PCSK2: variants seen among roughly 807,000 people sequenced by gnomAD.
PCSK2 encodes the protein neuroendocrine convertase 2.
In PCSK2, 14 loss-of-function variants were observed where a neutral mutation model predicts 69.7. That is an observed-to-expected ratio of 0.20 (90% confidence interval 0.13 to 0.31). PCSK2 has a LOEUF of 0.31. PCSK2 is among the 10% of genes least tolerant of loss of function. The pLI is 1.00. For synonymous variants in PCSK2, 307 were observed against 320.7 expected, an observed-to-expected ratio of 0.96 and a Z score of 0.46; for missense variants, 544 against 842.5, an observed-to-expected ratio of 0.65 and a Z score of 4.39.
chr20:17,251,884 TTC>T (rs1986995746), intron 1 of PCSK2, among the ~76,000 whole-genome samples: 1 of 152,140 alleles, frequency 6.6e-6, no homozygotes, highest in African/African-American at 2.4e-5. Context: ...ATGTGAAAGC[TTC>T]TTAATATGTG....
intron 2 of PCSK2, among the ~76,000 whole-genome samples, chr20:17,349,488 A>C (rs2029906802): frequency 6.6e-6 from 1 of 152,164 alleles, no homozygotes; most frequent in Admixed American, 6.5e-5. Context: ...CTGTGAGCAC[A>C]CCCCAGAAAT....
chr20:17,277,488 A>T lies in PCSK2; in HGVS notation c.282+17144A>T, dbSNP rs1344459547. On this transcript the variant is annotated intron_variant, in intron 2 of 11. Transcript: ENST00000262545. ...TGGGGAAAGGATTCCCGATTTAATA[A>T]ATGGTGCTGGGAAAACTGGCTAGCC... Among the ~76,000 whole-genome samples the T allele has an allele frequency of 3.3e-5, 5 of 152,326 alleles. No homozygotes were observed. The East Asian group carries it at 9.6e-4, about 29-fold the overall frequency.
rs146913149 is a variant in PCSK2, at chr20:17,402,726, G to A, written c.544-6537G>A. 6.7e-3 allele frequency among the ~76,000 whole-genome samples: 1,016 copies of A among 151,138 alleles called. 6 individuals are homozygous for A. Among genetic ancestry groups the A allele is most frequent in the South Asian group, 0.023 (110 of 4,788 alleles). On this transcript the variant is annotated intron_variant, in intron 5 of 11. Coordinates refer to ENST00000262545, the MANE Select transcript of PCSK2 (RefSeq NM_002594.5). ...TCCCAGCACTTTGGGAGGCCAAGGC[G>A]GGTGGATCACGAGGTTAGGAGATCA... is the stretch of plus-strand genomic sequence containing the variant.
chr20:17,274,182 G>A (rs1987970435), intron 2 of PCSK2, among the ~76,000 whole-genome samples: 1 of 152,078 alleles, frequency 6.6e-6, no homozygotes, highest in African/African-American at 2.4e-5. Context: ...GGTGATCCTT[G>A]GGATTGAGAC....
At chr20:17,369,146 C>T in intron 4 of PCSK2, 94 bp from the exon 5 acceptor site, 2 of 1,044,798 alleles carry the variant, frequency 1.9e-6, no homozygotes, top group Non-Finnish European at 2.9e-6. Flanking sequence ...CTGGCACCAG[C>T]CCCATAAAGA....
chr20:17,262,433 T>C (rs1197774833), intron 2 of PCSK2, among the ~76,000 whole-genome samples: 1 of 150,130 alleles, frequency 6.7e-6, no homozygotes, highest in Non-Finnish European at 1.5e-5. Flanking sequence ...GGAAAATAAA[T>C]AAAGCACAAA....
intron 5 of PCSK2, among the ~76,000 whole-genome samples, chr20:17,398,523 CAA>C (rs36062712): frequency 0.08 from 6,778 of 84,962 alleles, 157 homozygotes; most frequent in Middle Eastern, 0.1. Context: ...GATCCTGTCT[CAA>C]AAAAAAAAAA....
chr20:17,446,451 C>T (rs1017666787), intron 8 of PCSK2, among the ~76,000 whole-genome samples: 7 of 152,172 alleles, frequency 4.6e-5, no homozygotes, highest in Admixed American at 1.3e-4. Context: ...ATCACTCCCA[C>T]TCACAACTCA....
intron 5 of PCSK2, among the ~76,000 whole-genome samples, chr20:17,394,589 G>A (rs2031466978): frequency 6.6e-6 from 1 of 152,164 alleles, no homozygotes; most frequent in African/African-American, 2.4e-5. Flanking sequence ...TGCCACGAAT[G>A]TTGGTGGTAG....
rs559158129 is a variant in PCSK2, at chr20:17,449,867, T to A, written c.886-3875T>A. On this transcript the variant is annotated intron_variant, in intron 8 of 11. Coordinates refer to ENST00000262545, the MANE Select transcript of PCSK2 (RefSeq NM_002594.5). ...ATAGGGAAAATTGACATCTCTGTGA[T>A]CCTGTCTTTCTATTCGAGAATATGG... Among the ~76,000 whole-genome samples the A allele has an allele frequency of 2.0e-5, 3 of 151,970 alleles. No homozygotes were observed. In the East Asian group the frequency reaches 5.8e-4, roughly 30 times the overall value.
chr20:17,430,384 CTTTTT>C (rs1179264918), intron 7 of PCSK2, among the ~76,000 whole-genome samples: 10 of 151,940 alleles, frequency 6.6e-5, no homozygotes, highest in Non-Finnish European at 1.5e-5. Flanking sequence ...TTTTTCTTTT[CTTTTT>C]TGTTTACAAC....
At chr20:17,359,133 A>T (rs1346871835) in intron 3 of PCSK2, among the ~76,000 whole-genome samples, 1 of 152,230 alleles carries the variant, frequency 6.6e-6, no homozygotes, top group Non-Finnish European at 1.5e-5. Context: ...CTAATTTGTA[A>T]ATGTGAATGA....
intron 2 of PCSK2, among the ~76,000 whole-genome samples, chr20:17,266,005 T>C (rs182274254): frequency 1.3e-5 from 2 of 152,340 alleles, no homozygotes; most frequent in Admixed American, 1.3e-4. Context: ...TGCTTATGAA[T>C]CTGTCGTTCT....
intron 4 of PCSK2, among the ~76,000 whole-genome samples, chr20:17,362,476 G>T (rs1484019928): frequency 1.3e-5 from 2 of 152,216 alleles, no homozygotes; most frequent in African/African-American, 4.8e-5. Context: ...GGTGGAGTCA[G>T]AAGGAAGTTG....
intron 2 of PCSK2, among the ~76,000 whole-genome samples, chr20:17,285,335 G>C (rs1023407557): frequency 1.3e-5 from 2 of 152,154 alleles, no homozygotes; most frequent in African/African-American, 4.8e-5. Flanking sequence ...TTTGTGTAAG[G>C]AATACAGCAG....
At chr20:17,267,339 G>A (rs983933150) in intron 2 of PCSK2, among the ~76,000 whole-genome samples, 3 of 152,218 alleles carry the variant, frequency 2.0e-5, no homozygotes, top group African/African-American at 4.8e-5. Flanking sequence ...GATGCAAGTT[G>A]AGAGTTACTT....
intron 5 of PCSK2, among the ~76,000 whole-genome samples, chr20:17,375,562 G>A (rs2030899999): frequency 1.3e-5 from 2 of 152,156 alleles, no homozygotes; most frequent in Non-Finnish European, 1.5e-5. Flanking sequence ...TAATCCCTAA[G>A]GTGGGCAAAG....
At chr20:17,240,548 C>A (rs1986528129) in intron 1 of PCSK2, among the ~76,000 whole-genome samples, 1 of 152,124 alleles carries the variant, frequency 6.6e-6, no homozygotes, top group Non-Finnish European at 1.5e-5. Flanking sequence ...GTACAGGTGA[C>A]CTCCAGGGTG....
intron 1 of PCSK2, 38 bp from the exon 2 acceptor site, chr20:17,260,202 G>A (rs778320082): frequency 8.0e-6 from 11 of 1,371,244 alleles, no homozygotes; most frequent in Non-Finnish European, 4.2e-6. Flanking sequence ...GCCAACCCCA[G>A]AAGCTAACTA....
Sources: allele counts gnomAD v4.1 joint callset (sites outside exome capture counted in the v4.1 genomes callset), GRCh38; gene constraint gnomAD v4.1.1; transcripts MANE v1.5; gene names NCBI Gene and HGNC (gene_info 2026-07-23, HGNC 2026-07-21).